The following TRPM3 variants were observed in gnomAD, a reference collection of about 807,000 sequenced individuals.
TRPM3 encodes transient receptor potential cation channel subfamily M member 3.
In TRPM3, 77 loss-of-function variants were observed where a neutral mutation model predicts 181.2. The observed-to-expected ratio is 0.42, with a 90% CI of 0.35 to 0.51. The LOEUF (loss-of-function observed/expected upper bound fraction) is 0.51. TRPM3 is among the 20% of genes least tolerant of loss of function. The probability of loss-of-function intolerance (pLI) is 0.01; values close to 1 mark genes in which losing one functional copy is unlikely to be tolerated. For synonymous variants in TRPM3, 745 were observed against 796.4 expected (o/e 0.94, Z 1.09); for missense variants, 1,759 against 2,196.7 (o/e 0.80, Z 3.98).
At chr9:70,995,750 T>TA (rs1463596191) in intron 1 of TRPM3, among the ~76,000 whole-genome samples, 1 of 152,068 alleles carries the variant, frequency 6.6e-6, no homozygotes, top group Non-Finnish European at 1.5e-5. Context: ...GCCAGGCTCT[T>TA]AAAAAATAAT....
chr9:71,171,325 C>G (rs2076843209), intron 1 of TRPM3, among the ~76,000 whole-genome samples: 1 of 152,120 alleles, frequency 6.6e-6, no homozygotes, highest in Non-Finnish European at 1.5e-5. Context: ...TGTCTGTCAC[C>G]CACACCTATT....
chr9:71,228,890 T>C (rs1175299938), intron 1 of TRPM3, among the ~76,000 whole-genome samples: 2 of 152,016 alleles, frequency 1.3e-5, no homozygotes, highest in Non-Finnish European at 2.9e-5. Flanking sequence ...TGTCCATACT[T>C]CCAAACACAA....
chr9:71,222,941 C>T (rs1006609868), intron 1 of TRPM3, among the ~76,000 whole-genome samples: 1 of 152,114 alleles, frequency 6.6e-6, no homozygotes, highest in South Asian at 2.1e-4. Context: ...TGCTCTGGGG[C>T]TCCAAATAAA....
intron 1 of TRPM3, among the ~76,000 whole-genome samples, chr9:71,089,324 A>G (rs1224938024): frequency 6.6e-6 from 1 of 151,312 alleles, no homozygotes; most frequent in African/African-American, 2.4e-5. Context: ...AACATGCTAT[A>G]CAAAGATAGA....
chr9:70,640,669 G>A lies in TRPM3; in HGVS notation c.1346-9C>T, dbSNP rs770221314. ...GGCCGAGGCATTGGCTCCTGTGTGA[G>A]GACAAGTGGGAGAAAAGAGTGGAAG... On this transcript the variant is annotated splice_polypyrimidine_tract_variant and intron_variant, in intron 9 of 25. Transcript: ENST00000677713. The A allele has an allele frequency of 3.7e-6, 6 of 1,608,608 alleles. No homozygotes were observed. The Admixed American group carries it at 5.0e-5, about 13-fold the overall frequency.
intron 1 of TRPM3, among the ~76,000 whole-genome samples, chr9:71,391,636 T>C (rs1013193228): frequency 2.0e-5 from 3 of 152,076 alleles, no homozygotes; most frequent in African/African-American, 4.8e-5. Context: ...TAAAAATCCA[T>C]TTCGGGGAGT....
At chr9:70,753,403 G>A (rs999777105) in intron 8 of TRPM3, among the ~76,000 whole-genome samples, 1 of 152,146 alleles carries the variant, frequency 6.6e-6, no homozygotes. Context: ...TGATTGTAGG[G>A]AATAGGAGAG....
In TRPM3 at chr9:71,396,295, C is replaced by T. The variant is rs566309152; in HGVS notation, c.183+50358G>A. Among the ~76,000 whole-genome samples, 140 of 100,874 alleles carry T rather than the reference C, an allele frequency of 1.4e-3. 1 individual carries two copies. The highest frequency in any genetic ancestry group is 0.013 in the South Asian group (28 of 2,170). 66.2% of individuals were successfully genotyped at this position (100,874 alleles called of 152,430 possible). A position where few individuals can be genotyped will look rare whatever the true frequency, so the allele number is the denominator to read the frequency against. Reference sequence around the variant, plus strand: ...AAAAAACAAACAAACAAAAAAAGTGCTATTGCTAAAAAAAAAAAAAAAATC... The same window carrying T: ...AAAAAACAAACAAACAAAAAAAGTGTTATTGCTAAAAAAAAAAAAAAAATC... On this transcript the variant is annotated intron_variant, in intron 1 of 24. Coordinates refer to the TRPM3 transcript ENST00000357533.
At chr9:71,190,143 A>T (rs1208899336) in intron 1 of TRPM3, among the ~76,000 whole-genome samples, 1 of 151,872 alleles carries the variant, frequency 6.6e-6, no homozygotes, top group African/African-American at 2.4e-5. Context: ...AGTGGTGTTG[A>T]CAGCTTAATA....
chr9:70,916,124 C>A (rs1008439340), intron 1 of TRPM3, among the ~76,000 whole-genome samples: 1 of 152,122 alleles, frequency 6.6e-6, no homozygotes, highest in Non-Finnish European at 1.5e-5. Context: ...AAAGCTTTCA[C>A]CCTAGAATAG....
intron 1 of TRPM3, among the ~76,000 whole-genome samples, chr9:70,945,017 C>T (rs1346558493): frequency 1.3e-5 from 2 of 152,122 alleles, no homozygotes; most frequent in African/African-American, 4.8e-5. Context: ...TTCTTTGAGC[C>T]ACATTCATTT....
chr9:71,242,213 G>A (rs1399484754), intron 1 of TRPM3, among the ~76,000 whole-genome samples: 14 of 152,170 alleles, frequency 9.2e-5, no homozygotes, highest in Non-Finnish European at 2.9e-5. Flanking sequence ...ACAAGAAGCC[G>A]CAATTAAATC....
intron 1 of TRPM3, among the ~76,000 whole-genome samples, chr9:71,191,568 C>A (rs905745691): frequency 1.3e-5 from 2 of 151,680 alleles, no homozygotes; most frequent in African/African-American, 4.8e-5. Context: ...GAGTTCTTTA[C>A]ACTACCCAAA....
intron 1 of TRPM3, among the ~76,000 whole-genome samples, chr9:70,987,917 C>T (rs1366875152): frequency 1.3e-5 from 2 of 152,050 alleles, no homozygotes; most frequent in Non-Finnish European, 2.9e-5. Context: ...CTATAGTATA[C>T]AACAGTGGTT....
chr9:70,968,741 A>G (rs558526115), intron 1 of TRPM3, among the ~76,000 whole-genome samples: 12 of 152,210 alleles, frequency 7.9e-5, no homozygotes, highest in African/African-American at 2.6e-4. Context: ...TGATGCTTAC[A>G]ACAATTATAT....
At chr9:70,684,980 T>C (rs1183059387) in intron 8 of TRPM3, among the ~76,000 whole-genome samples, 1 of 152,182 alleles carries the variant, frequency 6.6e-6, no homozygotes, top group Non-Finnish European at 1.5e-5. Context: ...GATGTTTATA[T>C]GCTGTTTGGT....
At chr9:71,429,484 G>A (rs1289534678) in intron 1 of TRPM3, among the ~76,000 whole-genome samples, 3 of 148,390 alleles carry the variant, frequency 2.0e-5, no homozygotes, top group African/African-American at 7.5e-5. Flanking sequence ...ACAGTTTCTG[G>A]AACATGGAGT....
chr9:70,743,106 G>T (rs926146957), intron 8 of TRPM3, among the ~76,000 whole-genome samples: 1 of 152,160 alleles, frequency 6.6e-6, no homozygotes, highest in Non-Finnish European at 1.5e-5. Context: ...AAGTCACACA[G>T]GTGGGATATT....
chr9:71,304,300 A>AT (rs143119169), intron 1 of TRPM3, among the ~76,000 whole-genome samples: 2,258 of 152,244 alleles, frequency 0.015, 58 homozygotes, highest in African/African-American at 0.051. Context: ...CAGCTAGACT[A>AT]TTTTTTCCAA....
Sources: gnomAD v4.1 joint callset for allele counts (sites outside exome capture counted in the v4.1 genomes callset) on GRCh38, gnomAD v4.1.1 for gene constraint, MANE v1.5 for transcripts, NCBI Gene and HGNC (gene_info 2026-07-23, HGNC 2026-07-21) for gene names.